EXOC4: variants seen among roughly 807,000 people sequenced by gnomAD.
The protein encoded by EXOC4 is SEC8-like 1.
EXOC4 carries 71 observed loss-of-function variants against 107.2 expected under a neutral mutation model. The ratio of observed to expected loss-of-function variants is 0.66; its 90% CI spans 0.55 to 0.81. The LOEUF (loss-of-function observed/expected upper bound fraction) is 0.81, where lower values mean the gene tolerates loss of function less well. Ranked by LOEUF, EXOC4 falls within the 30% of genes least tolerant of loss-of-function variation. The pLI is 0.00. For synonymous variants in EXOC4, 456 were observed against 441.2 expected (o/e 1.03, Z -0.42); for missense variants, 1,108 against 1,189.6 (o/e 0.93, Z 1.01).
chr7:133,499,923 C>T (rs187846504), intron 9 of EXOC4, among the ~76,000 whole-genome samples: 1 of 152,198 alleles, frequency 6.6e-6, no homozygotes, highest in African/African-American at 2.4e-5. Flanking sequence ...GTAAATTACC[C>T]AGTCTCGGGT....
At chr7:133,340,903 A>T (rs1795646277) in intron 5 of EXOC4, among the ~76,000 whole-genome samples, 2 of 147,954 alleles carry the variant, frequency 1.4e-5, no homozygotes, top group Admixed American at 6.7e-5. Context: ...GTTTATTTGG[A>T]TCTCCTTCTT....
Position 133,543,663 on chromosome 7 carries a change from ATCT to A in EXOC4, c.1417+63530_1417+63532del, listed in dbSNP as rs1322124269. On this transcript the variant is annotated intron_variant, in intron 9 of 17. Coordinates refer to ENST00000253861, the MANE Select transcript of EXOC4 (RefSeq NM_021807.4). ...TTAATATTTTAGTGGCTTCTTCTAG[ATCT>A]TCTTTAGAAAAGAGTGGTGTGAGAT... Among the ~76,000 whole-genome samples the A allele has an allele frequency of 5.9e-5, 9 of 152,196 alleles. No individual in the cohort carries two copies. The South Asian group carries it at 6.2e-4, about 11-fold the overall frequency.
chr7:133,463,676 G>A (rs953010182), intron 7 of EXOC4, among the ~76,000 whole-genome samples: 1 of 152,074 alleles, frequency 6.6e-6, no homozygotes. Context: ...AAGTAGTTAG[G>A]TTGTAAAATA....
chr7:133,348,196 C>A (rs112712733), intron 5 of EXOC4, among the ~76,000 whole-genome samples: 4 of 152,068 alleles, frequency 2.6e-5, no homozygotes, highest in Admixed American at 2.0e-4. Flanking sequence ...TTATATTATC[C>A]TTTTAAATTG....
chr7:133,934,501 G>A (rs922579517), intron 13 of EXOC4, among the ~76,000 whole-genome samples: 1 of 152,162 alleles, frequency 6.6e-6, no homozygotes, highest in African/African-American at 2.4e-5. Flanking sequence ...TGAGCCAGAG[G>A]GAAACGGGAT....
At chr7:133,642,341 A>T (rs1464870685) in intron 10 of EXOC4, among the ~76,000 whole-genome samples, 2 of 152,070 alleles carry the variant, frequency 1.3e-5, no homozygotes, top group Non-Finnish European at 2.9e-5. Context: ...CCTTTTTTAC[A>T]CGTAGAAGAT....
chr7:134,083,492 TC>T, the EXOC4 span, among the ~76,000 whole-genome samples: 1 of 152,234 alleles, frequency 6.6e-6, no homozygotes, highest in African/African-American at 2.4e-5. Flanking sequence ...GGGTGATTCT[TC>T]TGTTCCATAT....
At chr7:133,759,624 A>G (rs1434849497) in intron 10 of EXOC4, among the ~76,000 whole-genome samples, 1 of 152,118 alleles carries the variant, frequency 6.6e-6, no homozygotes, top group Non-Finnish European at 1.5e-5. Context: ...TATGACTCTT[A>G]CCCCCACTGC....
chr7:133,462,254 T>G (rs909236509), intron 7 of EXOC4, among the ~76,000 whole-genome samples: 5 of 152,212 alleles, frequency 3.3e-5, no homozygotes, highest in African/African-American at 1.2e-4. Flanking sequence ...TTTAGAGATA[T>G]ATGCTACTCA....
At chr7:133,432,113 T>G (rs1797869372) in intron 7 of EXOC4, among the ~76,000 whole-genome samples, 1 of 152,166 alleles carries the variant, frequency 6.6e-6, no homozygotes, top group Admixed American at 6.5e-5. Context: ...GTTCCTGGTC[T>G]AGTCTATCCC....
At chr7:133,663,277 G>A (rs1585063222) in intron 10 of EXOC4, among the ~76,000 whole-genome samples, 1 of 152,036 alleles carries the variant, frequency 6.6e-6, no homozygotes, top group East Asian at 1.9e-4. Context: ...CCATCTCCCT[G>A]ACCTCTTACT....
At chr7:133,586,060 A>T (rs1292419209) in intron 9 of EXOC4, among the ~76,000 whole-genome samples, 1 of 152,222 alleles carries the variant, frequency 6.6e-6, no homozygotes, top group African/African-American at 2.4e-5. Flanking sequence ...GCAGGCATGA[A>T]GTATCAAGAG....
intron 10 of EXOC4, among the ~76,000 whole-genome samples, chr7:133,743,761 C>T (rs1395170257): frequency 6.6e-6 from 1 of 152,144 alleles, no homozygotes; most frequent in Non-Finnish European, 1.5e-5. Flanking sequence ...ACAAGCCACA[C>T]ACATTGTGTG....
chr7:133,604,454 T>C (rs759789770), intron 9 of EXOC4, among the ~76,000 whole-genome samples: 2 of 152,312 alleles, frequency 1.3e-5, no homozygotes, highest in Admixed American at 1.3e-4. Context: ...CATTGTGAGA[T>C]GTTAGAACAG....
chr7:133,906,886 C>T (rs1799578922), intron 12 of EXOC4, among the ~76,000 whole-genome samples: 1 of 152,188 alleles, frequency 6.6e-6, no homozygotes, highest in Non-Finnish European at 1.5e-5. Context: ...CTGGGTTCCA[C>T]GGTTCTCTTC....
At position 133,449,841 on chromosome 7, in the gene EXOC4, A is replaced by G. The variant is rs189040391; in HGVS notation, c.1183-25487A>G. Among the ~76,000 whole-genome samples the G allele has an allele frequency of 3.3e-5, 5 of 151,344 alleles. No individual in the cohort carries two copies. In the East Asian group the frequency reaches 9.7e-4, roughly 29 times the overall value. On this transcript the variant is annotated intron_variant, in intron 7 of 17. Transcript: ENST00000253861. ...CTATCATCTCTCCTCCAGCTTTTCA[A>G]TCTTTATTATTGCTGTTTTTCCCAT...
At chr7:133,580,998 C>T (rs1468599724) in intron 9 of EXOC4, among the ~76,000 whole-genome samples, 1 of 152,206 alleles carries the variant, frequency 6.6e-6, no homozygotes, top group Non-Finnish European at 1.5e-5. Flanking sequence ...CTTCCGAGTG[C>T]TGTATAAGCA....
At chr7:133,334,890 A>G (rs1795476436) in intron 5 of EXOC4, among the ~76,000 whole-genome samples, 1 of 152,194 alleles carries the variant, frequency 6.6e-6, no homozygotes, top group Non-Finnish European at 1.5e-5. Flanking sequence ...ATGTCCCTGC[A>G]AAAGGACATG....
chr7:133,516,495 C>G (rs1202812485), intron 9 of EXOC4, among the ~76,000 whole-genome samples: 1 of 152,120 alleles, frequency 6.6e-6, no homozygotes, highest in Non-Finnish European at 1.5e-5. Context: ...TCTTCAAGTT[C>G]ATGCATGTTG....
Sources: gnomAD v4.1 joint callset for allele counts (sites outside exome capture counted in the v4.1 genomes callset) on GRCh38, gnomAD v4.1.1 for gene constraint, MANE v1.5 for transcripts, NCBI Gene and HGNC (gene_info 2026-07-23, HGNC 2026-07-21) for gene names.